The following BRAF variants were observed in gnomAD, a reference collection of about 807,000 sequenced individuals.
BRAF encodes B-Raf proto-oncogene, serine/threonine kinase, also known as serine/threonine-protein kinase B-raf.
A neutral mutation model predicts 104.6 loss-of-function variants in BRAF; 16 were observed. That is an observed-to-expected ratio of 0.15 (90% CI 0.10 to 0.23). BRAF has a LOEUF of 0.23. Among genes scored for constraint, BRAF ranks in the 10% least tolerant of loss-of-function variants. The pLI is 1.00. For synonymous variants in BRAF, 310 were observed against 341.6 expected, an observed-to-expected ratio of 0.91 and a Z score of 1.02; for missense variants, 541 against 937.3, an observed-to-expected ratio of 0.58 and a Z score of 5.52.
chr7:140,908,884 C>T lies in BRAF; in HGVS notation c.138+15682G>A, dbSNP rs533330885. Among the ~76,000 whole-genome samples, 16 of 151,046 alleles carry T rather than the reference C, an allele frequency of 1.1e-4. No individual in the cohort carries two copies. In the South Asian group the frequency reaches 1.5e-3, roughly 14 times the overall value. ...TACAGATTGGCAACTGCCTTTAGGGCAAAAGCTACTTCATCCACTTATTTA... is the reference window on the plus strand; with the variant it reads ...TACAGATTGGCAACTGCCTTTAGGGTAAAAGCTACTTCATCCACTTATTTA... On this transcript the variant is annotated intron_variant, in intron 1 of 19. Transcript: ENST00000644969.
At chr7:140,810,653 T>C (rs1435731699) in intron 3 of BRAF, among the ~76,000 whole-genome samples, 1 of 152,182 alleles carries the variant, frequency 6.6e-6, no homozygotes, top group Non-Finnish European at 1.5e-5. Context: ...TCACTGGAAG[T>C]ATTAAAGAGA....
At position 140,924,795 on chromosome 7, in the gene BRAF, A is replaced by G; in HGVS notation, c.-92T>C. 1 of 453,204 alleles carries G rather than the reference A, an allele frequency of 2.2e-6. No individual in the cohort carries two copies. The highest frequency in any genetic ancestry group is 3.9e-6 in the Non-Finnish European group (1 of 257,990). 28.1% of individuals were successfully genotyped at this position (453,204 alleles called of 1,614,324 possible). On this transcript the variant is annotated 5_prime_UTR_variant, in exon 1 of 20. Transcript: ENST00000644969. This position sits in a 1 kb window ranked among gnomAD's most constrained non-coding sequence, Gnocchi z 4.2. ...CTGGGGGAGGCGGAGGCGGAGGCGG[A>G]GGCGGAGGAGCGGGGGGCGCGGGGG...
At chr7:140,754,347 A>C (rs1476708755) in intron 14 of BRAF, 114 bp from the exon 14 acceptor site, 3 of 866,796 alleles carry the variant, frequency 3.5e-6, no homozygotes, top group African/African-American at 3.3e-5. Flanking sequence ...TACAACTGAA[A>C]ATAGTACATT....
Position 140,720,076 on chromosome 7 carries a change from C to T in BRAF, c.*6418G>A. On this transcript the variant is annotated 3_prime_UTR_variant, in exon 20 of 20. Transcript: ENST00000644969. ...CTTTTTCTTGGTCTAAACCAAAGAG[C>T]AATGACAACTACTGAATAAAATTCA... 4.7e-6 allele frequency: 5 copies of T among 1,060,198 alleles called. No individual in the cohort carries two copies. Among genetic ancestry groups the T allele is most frequent in the Non-Finnish European group, 5.7e-6 (5 of 876,114 alleles). 65.7% of individuals were successfully genotyped at this position (1,060,198 alleles called of 1,614,324 possible).
At chr7:140,909,839 C>CAA (rs1176505298) in intron 1 of BRAF, among the ~76,000 whole-genome samples, 3 of 147,494 alleles carry the variant, frequency 2.0e-5, no homozygotes, top group African/African-American at 7.9e-5. Context: ...ACAACAACAA[C>CAA]AACAACAAAA....
At chr7:140,793,312 C>A (rs938324415) in intron 8 of BRAF, among the ~76,000 whole-genome samples, 3 of 152,120 alleles carry the variant, frequency 2.0e-5, no homozygotes, top group African/African-American at 7.2e-5. Context: ...ATATCACATT[C>A]TCCTTTTCCC....
intron 8 of BRAF, among the ~76,000 whole-genome samples, chr7:140,791,042 A>G (rs926802369): frequency 1.3e-5 from 2 of 152,214 alleles, no homozygotes; most frequent in Non-Finnish European, 2.9e-5. Context: ...TGGAGGCTGC[A>G]GTGAGCAGCG....
intron 3 of BRAF, chr7:140,824,084 A>G (rs1805756553): frequency 6.6e-6 from 1 of 152,138 alleles, no homozygotes; most frequent in African/African-American, 2.4e-5. Flanking sequence ...TATTTTTCCC[A>G]TTCCAGGTTG....
intron 14 of BRAF, among the ~76,000 whole-genome samples, chr7:140,755,902 G>A (rs1798163179): frequency 6.6e-6 from 1 of 151,784 alleles, no homozygotes; most frequent in Non-Finnish European, 1.5e-5. Flanking sequence ...TTGAAAGGAG[G>A]TTCTTTTTCC....
Position 140,722,010 on chromosome 7 carries a change from TAA to T in BRAF, c.*4482_*4483del. ...GGTCCTATATTTCAATTTCCCCTTC[TAA>T]GTTAATACATGATTGCTGCCCATCA... On this transcript the variant is annotated 3_prime_UTR_variant, in exon 20 of 20. Coordinates refer to ENST00000644969, the MANE Select transcript of BRAF (RefSeq NM_001374258.1). 8.6e-7 allele frequency: 1 copy of T among 1,159,172 alleles called. No individual in the cohort carries two copies. Among genetic ancestry groups the T allele is most frequent in the Non-Finnish European group, 1.1e-6 (1 of 941,774 alleles). The allele number at this position is 1,159,172 out of a possible 1,614,324, so 71.8% of individuals were successfully genotyped here.
intron 6 of BRAF, 110 bp from the exon 7 acceptor site, chr7:140,800,591 AC>A: frequency 6.5e-7 from 1 of 1,538,636 alleles, no homozygotes; most frequent in South Asian, 1.1e-5. Flanking sequence ...CTCAGAAACA[AC>A]TGTTAAAATT....
At chr7:140,899,977 G>C (rs1302492800) in intron 1 of BRAF, among the ~76,000 whole-genome samples, 2 of 152,162 alleles carry the variant, frequency 1.3e-5, no homozygotes, top group African/African-American at 4.8e-5. Flanking sequence ...CAGCTCTGAG[G>C]CCTGCTACAT....
At chr7:140,828,379 G>T (rs1806313312) in intron 3 of BRAF, among the ~76,000 whole-genome samples, 2 of 151,998 alleles carry the variant, frequency 1.3e-5, no homozygotes, top group Non-Finnish European at 2.9e-5. Flanking sequence ...TGCTTTTCTG[G>T]TTTTTTCAAC....
At chr7:140,808,235 A>G (rs2129048018) in intron 4 of BRAF, 173 bp from the exon 5 acceptor site, 1 of 666,248 alleles carries the variant, frequency 1.5e-6, no homozygotes, top group Non-Finnish European at 2.7e-6. Flanking sequence ...TTTTAAGTTT[A>G]CCCCAAATAA....
intron 16 of BRAF, 77 bp from the exon 16 acceptor site, chr7:140,749,495 G>A (rs2128994915): frequency 6.7e-7 from 1 of 1,485,260 alleles, no homozygotes; most frequent in South Asian, 1.1e-5. Flanking sequence ...ATAATTCCTA[G>A]AGCAATGCTT....
chr7:140,887,054 ACCCTGTAAGGTAGCAAGGAGG>A (rs1813649822), intron 1 of BRAF, among the ~76,000 whole-genome samples: 1 of 152,216 alleles, frequency 6.6e-6, no homozygotes, highest in African/African-American at 2.4e-5. Context: ...TCTCACAACT[ACCCTGTAAGGTAGCAAGGAGG>A]AAGCCACAGT....
Position 140,722,109 on chromosome 7 carries a change from A to C in BRAF, c.*4385T>G. On this transcript the variant is annotated 3_prime_UTR_variant, in exon 20 of 20. Coordinates refer to ENST00000644969, the MANE Select transcript of BRAF (RefSeq NM_001374258.1). ...GTTGTATAAAAGTTCCATGCTTTGAAGAGCCTATGGGAGTAGAAAAAGTTT... is the reference window on the plus strand; with the variant it reads ...GTTGTATAAAAGTTCCATGCTTTGACGAGCCTATGGGAGTAGAAAAAGTTT... 1 of 1,076,088 alleles carries C rather than the reference A, an allele frequency of 9.3e-7. No homozygotes were observed. The highest frequency in any genetic ancestry group is 1.1e-6 in the Non-Finnish European group (1 of 887,036). 66.7% of individuals were successfully genotyped at this position (1,076,088 alleles called of 1,614,324 possible). A position where few individuals can be genotyped will look rare whatever the true frequency, so the allele number is the denominator to read the frequency against.
At chr7:140,760,535 T>A (rs1798604397) in intron 14 of BRAF, among the ~76,000 whole-genome samples, 1 of 151,960 alleles carries the variant, frequency 6.6e-6, no homozygotes, top group Non-Finnish European at 1.5e-5. Flanking sequence ...CCAACAAGTC[T>A]TTTGAGAAGT....
intron 1 of BRAF, among the ~76,000 whole-genome samples, chr7:140,923,281 A>C (rs1818425303): frequency 6.6e-6 from 1 of 152,220 alleles, no homozygotes; most frequent in African/African-American, 2.4e-5. Flanking sequence ...CTTCGAGCAA[A>C]GTCAACAGAG....
Sources: gnomAD v4.1 joint callset for allele counts (sites outside exome capture counted in the v4.1 genomes callset) on GRCh38, gnomAD v4.1.1 for gene constraint, Gnocchi (gnomAD v3.1) non-coding constraint, MANE v1.5 for transcripts, NCBI Gene and HGNC (gene_info 2026-07-23, HGNC 2026-07-21) for gene names.